Variants in MAML2 observed in about 807,000 individuals in gnomAD.
MAML2 encodes the protein mastermind like transcriptional coactivator 2.
In MAML2, 22 loss-of-function variants were observed where a neutral mutation model predicts 96.1. The observed-to-expected ratio is 0.23, with a 90% CI of 0.16 to 0.33. The LOEUF is 0.33. Ranked by LOEUF, MAML2 falls within the 10% of genes least tolerant of loss-of-function variation. The probability of loss-of-function intolerance (pLI) is 1.00; values close to 1 mark genes in which losing one functional copy is unlikely to be tolerated. For synonymous variants in MAML2, 561 were observed against 521.3 expected, an observed-to-expected ratio of 1.08 and a Z score of -1.04; for missense variants, 1,367 against 1,392.4, an observed-to-expected ratio of 0.98 and a Z score of 0.29.
At chr11:96,249,080 G>A (rs1358186155) in intron 1 of MAML2, among the ~76,000 whole-genome samples, 1 of 152,200 alleles carries the variant, frequency 6.6e-6, no homozygotes, top group African/African-American at 2.4e-5. Context: ...CTGACTCAGT[G>A]ATCAATTACA....
chr11:96,016,021 C>T (rs558264864), intron 2 of MAML2, among the ~76,000 whole-genome samples: 56 of 152,102 alleles, frequency 3.7e-4, no homozygotes, highest in African/African-American at 1.3e-3. Context: ...ACATAAAAGA[C>T]GTATTTGGGG....
intron 1 of MAML2, among the ~76,000 whole-genome samples, chr11:96,157,085 C>T (rs1861021414): frequency 6.6e-6 from 1 of 152,208 alleles, no homozygotes. Context: ...GCCAGAAAGG[C>T]AGACACTACA....
At chr11:96,003,883 C>T (rs1259726043) in intron 2 of MAML2, among the ~76,000 whole-genome samples, 3 of 152,028 alleles carry the variant, frequency 2.0e-5, no homozygotes, top group Non-Finnish European at 1.5e-5. Flanking sequence ...TATAGTAATA[C>T]TAGTAATAAA....
At chr11:96,142,116 C>T (rs1860741315) in intron 1 of MAML2, among the ~76,000 whole-genome samples, 5 of 152,290 alleles carry the variant, frequency 3.3e-5, no homozygotes, top group East Asian at 1.9e-4. Context: ...CAGAGACAAT[C>T]ACAATATTGT....
intron 2 of MAML2, among the ~76,000 whole-genome samples, chr11:95,998,141 A>AGTCTGTTT (rs1554993548): frequency 7.0e-6 from 1 of 143,544 alleles, no homozygotes; most frequent in Non-Finnish European, 1.5e-5. Context: ...TCTGTCTGTC[A>AGTCTGTTT]GTCTGTCTGT....
chr11:96,248,182 C>T (rs930394143), intron 1 of MAML2, among the ~76,000 whole-genome samples: 1 of 149,796 alleles, frequency 6.7e-6, no homozygotes, highest in African/African-American at 2.5e-5. Flanking sequence ...GCATGATCTC[C>T]GCTCACTGCA....
intron 4 of MAML2, among the ~76,000 whole-genome samples, chr11:95,981,778 T>C (rs932038371): frequency 1.3e-5 from 2 of 152,192 alleles, no homozygotes; most frequent in African/African-American, 2.4e-5. Flanking sequence ...AGCAATATCA[T>C]CTTTGTATCT....
intron 1 of MAML2, among the ~76,000 whole-genome samples, chr11:96,254,679 C>T (rs1393429390): frequency 1.3e-5 from 2 of 151,910 alleles, no homozygotes; most frequent in Non-Finnish European, 2.9e-5. Context: ...CATCTCAAAA[C>T]AACCAAGATT....
At chr11:96,148,239 T>C (rs545315681) in intron 1 of MAML2, among the ~76,000 whole-genome samples, 104 of 152,166 alleles carry the variant, frequency 6.8e-4, no homozygotes, top group Non-Finnish European at 9.3e-4. Flanking sequence ...TCTGCCTGTC[T>C]CCCGTGGACA....
At chr11:96,225,112 A>G (rs1862193438) in intron 1 of MAML2, among the ~76,000 whole-genome samples, 1 of 152,202 alleles carries the variant, frequency 6.6e-6, no homozygotes, top group Non-Finnish European at 1.5e-5. Flanking sequence ...CTCTTTTCAG[A>G]AAAGGTGAAA....
intron 1 of MAML2, among the ~76,000 whole-genome samples, chr11:96,182,263 G>A (rs748888360): frequency 1.2e-4 from 18 of 152,286 alleles, no homozygotes; most frequent in Middle Eastern, 3.4e-3. Context: ...GAAACAATGG[G>A]TCTGAGGATA....
intron 1 of MAML2, among the ~76,000 whole-genome samples, chr11:96,142,888 A>C (rs1187292479): frequency 6.6e-6 from 1 of 152,248 alleles, no homozygotes; most frequent in Non-Finnish European, 1.5e-5. Context: ...AGGGTATTTC[A>C]GGTTTGTCTA....
chr11:96,015,182 C>T (rs891777637), intron 2 of MAML2, among the ~76,000 whole-genome samples: 2 of 152,144 alleles, frequency 1.3e-5, no homozygotes, highest in Non-Finnish European at 1.5e-5. Flanking sequence ...GCAGCCAGAG[C>T]CCTTGATCTA....
At chr11:96,146,410 T>G (rs1860820721) in intron 1 of MAML2, among the ~76,000 whole-genome samples, 2 of 152,182 alleles carry the variant, frequency 1.3e-5, no homozygotes, top group Non-Finnish European at 2.9e-5. Flanking sequence ...GTATACAATA[T>G]TGCTATTAGC....
At chr11:96,259,624 T>A (rs1335722421) in intron 1 of MAML2, among the ~76,000 whole-genome samples, 1 of 152,206 alleles carries the variant, frequency 6.6e-6, no homozygotes, top group Non-Finnish European at 1.5e-5. Context: ...TCCTTCAAAC[T>A]CAATCAGGCT....
At chr11:96,211,037 T>C (rs994823093) in intron 1 of MAML2, among the ~76,000 whole-genome samples, 1 of 152,202 alleles carries the variant, frequency 6.6e-6, no homozygotes, top group African/African-American at 2.4e-5. Flanking sequence ...TACCTATCTT[T>C]GGATTTTATA....
At chr11:96,053,924 C>G (rs1028878980) in intron 2 of MAML2, among the ~76,000 whole-genome samples, 6 of 152,008 alleles carry the variant, frequency 3.9e-5, no homozygotes, top group Admixed American at 1.3e-4. Flanking sequence ...ATCTGTGACT[C>G]AGAAATGGAA....
intron 3 of MAML2, among the ~76,000 whole-genome samples, chr11:95,987,178 C>G (rs925209168): frequency 3.9e-5 from 6 of 152,126 alleles, no homozygotes; most frequent in Admixed American, 1.3e-4. Flanking sequence ...CATTTAACAA[C>G]AGAGGGGGGT....
At chr11:96,093,972 G>A (rs576334691) in intron 1 of MAML2, among the ~76,000 whole-genome samples, 1 of 131,824 alleles carries the variant, frequency 7.6e-6, no homozygotes, top group South Asian at 2.7e-4. Flanking sequence ...CTAAAGCTGG[G>A]AACAAATCTC....
Sources: allele counts gnomAD v4.1 joint callset (sites outside exome capture counted in the v4.1 genomes callset), GRCh38; gene constraint gnomAD v4.1.1; transcripts MANE v1.5; gene names NCBI Gene and HGNC (gene_info 2026-07-23, HGNC 2026-07-21).